The following UBE2Q2 variants were observed in gnomAD, a reference collection of about 807,000 sequenced individuals.
UBE2Q2 encodes the protein ubiquitin-conjugating enzyme E2 Q2.
A neutral mutation model predicts 59.9 loss-of-function variants in UBE2Q2; 54 were observed. The observed-to-expected ratio is 0.90, with a 90% CI of 0.72 to 1.13. The LOEUF is 1.13. Ranked by LOEUF, UBE2Q2 falls within the 50% of genes most tolerant of loss-of-function variation. UBE2Q2 has a pLI of 0.00. For missense variants in UBE2Q2, 433 were observed against 441.9 expected (o/e 0.98, Z 0.18); for synonymous variants, 165 against 155.2 (o/e 1.06, Z -0.47).
At position 75,899,764 on chromosome 15, in the gene UBE2Q2, GC is replaced by G. The variant is rs1899653837; in HGVS notation, c.*307del. The G allele has an allele frequency of 1.0e-5, 2 of 193,630 alleles. No homozygotes were observed. Among genetic ancestry groups the G allele is most frequent in the Admixed American group, 1.2e-4 (2 of 16,280 alleles). 12.0% of individuals were successfully genotyped at this position (193,630 alleles called of 1,614,324 possible). A position where few individuals can be genotyped will look rare whatever the true frequency, so the allele number is the denominator to read the frequency against. ...TTTAAAGCAGCCAAGTCAACATCAG[GC>G]TACTGAAGTTGAGGCTTTAGGGTAA... On this transcript the variant is annotated 3_prime_UTR_variant, in exon 13 of 13. Coordinates refer to ENST00000267938, the MANE Select transcript of UBE2Q2 (RefSeq NM_173469.4).
At chr15:75,868,557 A>C (rs1235600938) in intron 3 of UBE2Q2, among the ~76,000 whole-genome samples, 1 of 152,238 alleles carries the variant, frequency 6.6e-6, no homozygotes, top group East Asian at 1.9e-4. Flanking sequence ...AAAGTTAAAA[A>C]GGGAGCTATT....
intron 2 of UBE2Q2, 135 bp downstream of exon 2, chr15:75,854,622 G>T (rs2121556): frequency 0.035 from 18,612 of 537,678 alleles, 1,145 homozygotes; most frequent in African/African-American, 0.21. Flanking sequence ...TAGTTTGTTT[G>T]TTTTTTTTCC....
intron 3 of UBE2Q2, 21 bp downstream of exon 3, chr15:75,860,003 T>A (rs1265882573): frequency 6.6e-7 from 1 of 1,522,766 alleles, no homozygotes; most frequent in Admixed American, 2.0e-5. Context: ...AATTCTCTAG[T>A]GTTCAAGAGC....
intron 2 of UBE2Q2, among the ~76,000 whole-genome samples, chr15:75,859,626 C>T (rs545398103): frequency 6.6e-6 from 1 of 152,276 alleles, no homozygotes; most frequent in East Asian, 1.9e-4. Flanking sequence ...TCTGGAACTT[C>T]CTTCCTCTGC....
intron 8 of UBE2Q2, among the ~76,000 whole-genome samples, chr15:75,880,108 T>G (rs182196693): frequency 5.4e-4 from 82 of 152,170 alleles, no homozygotes; most frequent in African/African-American, 1.2e-3. Flanking sequence ...TAAGGTTTTT[T>G]TTTGTTTGTT....
Position 75,899,303 on chromosome 15 carries a change from A to T in UBE2Q2, c.1097-124A>T, listed in dbSNP as rs28607641. 140,070 of 295,174 alleles carry T rather than the reference A, an allele frequency of 0.47. 35,192 individuals are homozygous for T. The highest frequency in any genetic ancestry group is 0.64 in the South Asian group (12,814 of 20,038). The allele number at this position is 295,174 out of a possible 1,614,324, so 18.3% of individuals were successfully genotyped here. A position where few individuals can be genotyped will look rare whatever the true frequency, so the allele number is the denominator to read the frequency against. ...AAATATATATATAATATATATATAT[A>T]TTTTTTACGGTAGATTTTAAACACC... On this transcript the variant is annotated intron_variant, in intron 12 of 12. Coordinates refer to ENST00000267938, the MANE Select transcript of UBE2Q2 (RefSeq NM_173469.4).
chr15:75,856,032 C>A (rs1370691562), intron 2 of UBE2Q2, among the ~76,000 whole-genome samples: 2 of 151,740 alleles, frequency 1.3e-5, no homozygotes, highest in Non-Finnish European at 2.9e-5. Flanking sequence ...ACAAAAAATA[C>A]AAAAATTAGC....
At position 75,897,062 on chromosome 15, in the gene UBE2Q2, G is replaced by A. The variant is rs1463628483; in HGVS notation, c.1096+1G>A. ...ATTGTACAGATACATGAGAAAAATG[G>A]TATGTTTAATTCAATAAGTGTTTAT... On this transcript the variant is annotated splice_donor_variant, in intron 12 of 12. Coordinates refer to ENST00000267938, the MANE Select transcript of UBE2Q2 (RefSeq NM_173469.4). LOFTEE classifies it high-confidence loss of function. 6 of 1,546,980 alleles carry A rather than the reference G, an allele frequency of 3.9e-6. No individual in the cohort carries two copies. Among genetic ancestry groups the A allele is most frequent in the Admixed American group, 1.9e-5 (1 of 53,794 alleles).
chr15:75,872,710 C>T (rs1897863459), intron 4 of UBE2Q2, among the ~76,000 whole-genome samples: 1 of 151,776 alleles, frequency 6.6e-6, no homozygotes, highest in Admixed American at 6.6e-5. Flanking sequence ...TAGTTATAAA[C>T]GTCAATAGAT....
Position 75,876,065 on chromosome 15 carries a change from CAAAAAAAAAA to C in UBE2Q2, c.589-113_589-104del, listed in dbSNP as rs33923600. ...GGGTAACAGGGCTAGACTCCATCTC[CAAAAAAAAAA>C]AAAAAAAATGTTGAGTGGTGATCCA... On this transcript the variant is annotated intron_variant, in intron 5 of 12. Transcript: ENST00000267938. 6 of 534,198 alleles carry C rather than the reference CAAAAAAAAAA, an allele frequency of 1.1e-5. No homozygotes were observed. The Admixed American group carries it at 2.3e-4, about 20-fold the overall frequency. The allele number at this position is 534,198 out of a possible 1,614,324, so 33.1% of individuals were successfully genotyped here.
chr15:75,884,568 G>A (rs1210056962), intron 9 of UBE2Q2, among the ~76,000 whole-genome samples: 1 of 152,114 alleles, frequency 6.6e-6, no homozygotes, highest in Admixed American at 6.5e-5. Context: ...CAAAAAGTGT[G>A]TGTTTGTTTG....
At chr15:75,860,488 T>C (rs1016415381) in intron 3 of UBE2Q2, among the ~76,000 whole-genome samples, 3 of 152,150 alleles carry the variant, frequency 2.0e-5, no homozygotes, top group Admixed American at 1.3e-4. Flanking sequence ...TTAGCTCTTA[T>C]ACCACCCACT....
intron 1 of UBE2Q2, 23 bp from the exon 2 acceptor site, chr15:75,854,363 A>G: frequency 6.3e-7 from 1 of 1,583,920 alleles, no homozygotes; most frequent in South Asian, 1.1e-5. Flanking sequence ...TAAATGTTTA[A>G]CATGTGTCTC....
At chr15:75,870,201 G>A (rs1897711733) in intron 4 of UBE2Q2, among the ~76,000 whole-genome samples, 1 of 152,096 alleles carries the variant, frequency 6.6e-6, no homozygotes, top group African/African-American at 2.4e-5. Context: ...CTGAGTAGCT[G>A]GGACTACAGG....
At chr15:75,889,348 T>A (rs1898964689) in intron 9 of UBE2Q2, among the ~76,000 whole-genome samples, 1 of 152,166 alleles carries the variant, frequency 6.6e-6, no homozygotes, top group Admixed American at 6.5e-5. Context: ...ATGGGGGAGA[T>A]GAAAAGGACT....
At chr15:75,875,889 G>A (rs899161118) in intron 5 of UBE2Q2, among the ~76,000 whole-genome samples, 2 of 151,218 alleles carry the variant, frequency 1.3e-5, no homozygotes, top group South Asian at 2.1e-4. Flanking sequence ...GTGAAATCCC[G>A]TCTCTACCAA....
chr15:75,857,296 A>G (rs886237213), intron 2 of UBE2Q2, among the ~76,000 whole-genome samples: 1 of 152,236 alleles, frequency 6.6e-6, no homozygotes, highest in Non-Finnish European at 1.5e-5. Context: ...AGATCTAAAG[A>G]TAACGGTTTT....
intron 3 of UBE2Q2, among the ~76,000 whole-genome samples, chr15:75,862,816 A>G (rs983557263): frequency 2.6e-4 from 5 of 18,952 alleles, no homozygotes; most frequent in Non-Finnish European, 8.2e-4. Flanking sequence ...CCCTATCTCA[A>G]AAAAAAAAAA....
chr15:75,858,812 C>A (rs916470662), intron 2 of UBE2Q2, among the ~76,000 whole-genome samples: 3 of 152,212 alleles, frequency 2.0e-5, no homozygotes, highest in Non-Finnish European at 4.4e-5. Context: ...CAAATCCACA[C>A]TGGAGCTTGG....
Sources: allele counts gnomAD v4.1 joint callset (sites outside exome capture counted in the v4.1 genomes callset), GRCh38; gene constraint gnomAD v4.1.1; transcripts MANE v1.5; gene names NCBI Gene and HGNC (gene_info 2026-07-23, HGNC 2026-07-21).